The following GALNT9 variants were observed in gnomAD, a reference collection of about 807,000 sequenced individuals.
GALNT9 encodes polypeptide N-acetylgalactosaminyltransferase 9.
Under a neutral mutation model 63.1 loss-of-function variants are expected in GALNT9, and 47 were observed. The ratio of observed to expected loss-of-function variants is 0.75; its 90% CI spans 0.59 to 0.95. The LOEUF (loss-of-function observed/expected upper bound fraction) is 0.95, where lower values mean the gene tolerates loss of function less well. Among genes scored for constraint, GALNT9 ranks in the 40% least tolerant of loss-of-function variants. GALNT9 has a pLI of 0.00. For synonymous variants in GALNT9, 396 were observed against 365.7 expected (o/e 1.08, Z -0.94); for missense variants, 829 against 874.8 (o/e 0.95, Z 0.66).
At chr12:132,318,071 T>A (rs2135589204) in intron 1 of GALNT9, among the ~76,000 whole-genome samples, 1 of 152,138 alleles carries the variant, frequency 6.6e-6, no homozygotes, top group Admixed American at 6.5e-5. Flanking sequence ...TGAAACCCTG[T>A]CTCTATCAAA....
chr12:132,214,737 C>A (rs1210689320), intron 6 of GALNT9, among the ~76,000 whole-genome samples: 2 of 152,044 alleles, frequency 1.3e-5, no homozygotes, highest in Non-Finnish European at 1.5e-5. Flanking sequence ...GGGATCCGTG[C>A]GTAACAAACC....
rs531318566 is a variant in GALNT9, at chr12:132,279,349, A to C, written c.419+6901T>G. On this transcript the variant is annotated intron_variant, in intron 2 of 10. Coordinates refer to ENST00000328957, the MANE Select transcript of GALNT9 (RefSeq NM_001122636.2). This position sits in a 1 kb window ranked among gnomAD's most constrained non-coding sequence, Gnocchi z 4.1. The stretch of plus-strand genomic sequence containing the variant: ...CTTGCATGGTTGCTGGGACGGTCCA[A>C]AGTCCTCAGTGGGGACGGCTGGCTG... 42 of 152,400 alleles carry C rather than the reference A, an allele frequency of 2.8e-4. No homozygotes were observed. Among genetic ancestry groups the C allele is most frequent in the African/African-American group, 8.4e-4 (35 of 41,590 alleles). 9.4% of individuals were successfully genotyped at this position (152,400 alleles called of 1,614,324 possible).
At chr12:132,218,886 G>C (rs1351502099) in intron 6 of GALNT9, among the ~76,000 whole-genome samples, 3 of 152,200 alleles carry the variant, frequency 2.0e-5, no homozygotes, top group Non-Finnish European at 1.5e-5. Context: ...GAGAGAAACA[G>C]CGTCTTCCTT....
chr12:132,260,893 G>A (rs1879351667), intron 4 of GALNT9, 55 bp downstream of exon 4: 3 of 1,464,678 alleles, frequency 2.0e-6, no homozygotes, highest in African/African-American at 2.9e-5. Context: ...CTTAGGAGGG[G>A]GATGGTGGAG....
At chr12:132,200,972 G>T (rs1303929422) in intron 8 of GALNT9, 152 bp downstream of exon 8, 32 of 703,598 alleles carry the variant, frequency 4.5e-5, no homozygotes, top group Middle Eastern at 4.0e-4. Context: ...AGTCAGGGCG[G>T]AAGGCCTGTC....
At position 132,246,465 on chromosome 12, in the gene GALNT9, T is replaced by A. The variant is rs1878710020; in HGVS notation, c.1077+1445A>T. On this transcript the variant is annotated intron_variant, in intron 6 of 10. Transcript: ENST00000328957. This position sits in a 1 kb window ranked among gnomAD's most constrained non-coding sequence, Gnocchi z 4.7. ...ACACTATGTTTGTAAGTGCCATTTT[T>A]AAAAGGCTCAAGGGACTTTAAAGGC... Among the ~76,000 whole-genome samples the A allele has an allele frequency of 6.6e-6, 1 of 152,218 alleles. No individual in the cohort carries two copies. Among genetic ancestry groups the A allele is most frequent in the African/African-American group, 2.4e-5 (1 of 41,458 alleles).
At chr12:132,258,691 G>A (rs572474015) in intron 4 of GALNT9, among the ~76,000 whole-genome samples, 32 of 152,354 alleles carry the variant, frequency 2.1e-4, no homozygotes, top group African/African-American at 7.7e-4. Flanking sequence ...GGGGGGCGAG[G>A]AGGGCAGAGA....
Position 132,327,285 on chromosome 12 carries a change from C to G in GALNT9, c.238+1681G>C, listed in dbSNP as rs1289340055. ...GCGGGATGGGAGAAGGCAGTGGGGG[C>G]GGTGGGCGGTGGGGGGAGACACACT... On this transcript the variant is annotated intron_variant, in intron 1 of 10. Coordinates refer to ENST00000328957, the MANE Select transcript of GALNT9 (RefSeq NM_001122636.2). The surrounding 1 kb of genome is among the most constrained non-coding windows in gnomAD (Gnocchi z 4.3). Among the ~76,000 whole-genome samples, 3 of 72,408 alleles carry G rather than the reference C, an allele frequency of 4.1e-5. No homozygotes were observed. The South Asian group carries it at 1.4e-3, about 34-fold the overall frequency. The allele number at this position is 72,408 out of a possible 152,430, so 47.5% of individuals were successfully genotyped here.
Position 132,307,726 on chromosome 12 carries a change from C to T in GALNT9, c.238+21240G>A, listed in dbSNP as rs575802211. The stretch of plus-strand genomic sequence containing the variant: ...GCGGGCGCCTGTAGTCTCAGCTACT[C>T]GGGAGGCTGAGGCAGGAGAATCACC... On this transcript the variant is annotated intron_variant, in intron 1 of 10. Transcript: ENST00000328957. Among the ~76,000 whole-genome samples the T allele has an allele frequency of 1.1e-4, 16 of 147,734 alleles. No individual in the cohort carries two copies. In the East Asian group the frequency reaches 1.2e-3, roughly 11 times the overall value.
chr12:132,305,491 ACCGGGGCACAC>A lies in GALNT9; in HGVS notation c.239-19072_239-19062del, dbSNP rs1555244544. The stretch of plus-strand genomic sequence containing the variant: ...CACACCCTCACCCGGGCACACCCTC[ACCGGGGCACAC>A]CCTCACCCGGGCACAGCCTCACCCG... On this transcript the variant is annotated intron_variant, in intron 1 of 10. Coordinates refer to ENST00000328957, the MANE Select transcript of GALNT9 (RefSeq NM_001122636.2). 5.4e-4 allele frequency among the ~76,000 whole-genome samples: 37 copies of A among 68,616 alleles called. 3 individuals carry two copies. The highest frequency in any genetic ancestry group is 3.0e-3 in the African/African-American group (36 of 11,928). The allele number at this position is 68,616 out of a possible 152,430, so 45.0% of individuals were successfully genotyped here.
Position 132,308,051 on chromosome 12 carries a change from A to G in GALNT9, c.238+20915T>C, listed in dbSNP as rs548434209. 2.6e-5 allele frequency among the ~76,000 whole-genome samples: 4 copies of G among 152,136 alleles called. No homozygotes were observed. In the South Asian group the frequency reaches 8.3e-4, roughly 32 times the overall value. On this transcript the variant is annotated intron_variant, in intron 1 of 10. Transcript: ENST00000328957. ...ACCCTGTCTCAAAAAAAAAAAAACA[A>G]AAAAACACACAAACAAGAAAAAGAC...
chr12:132,199,279 G>T lies in GALNT9; in HGVS notation c.1402-10C>A. ...CTTTGCTGTTTCTCACCTGCAAGCA[G>T]AAGCCCCAGGAGAAAGTCCAGAGTC... On this transcript the variant is annotated splice_polypyrimidine_tract_variant and intron_variant, in intron 8 of 10. Transcript: ENST00000328957. 6.3e-7 allele frequency: 1 copy of T among 1,588,104 alleles called. No homozygotes were observed. Among genetic ancestry groups the T allele is most frequent in the Non-Finnish European group, 8.6e-7 (1 of 1,165,866 alleles).
At position 132,203,441 on chromosome 12, in the gene GALNT9, C is replaced by T; in HGVS notation, c.1263+64G>A. ...CTAGGGGGCCTCCCTCCGGCCCAGC[C>T]CTGCCGTGGCATTGACCCCGACCCT... On this transcript the variant is annotated intron_variant, in intron 7 of 10. Coordinates refer to ENST00000328957, the MANE Select transcript of GALNT9 (RefSeq NM_001122636.2). 4.5e-6 allele frequency: 7 copies of T among 1,541,596 alleles called. No homozygotes were observed. The South Asian group carries it at 8.1e-5, about 18-fold the overall frequency.
chr12:132,222,661 G>T (rs1430524506), intron 6 of GALNT9, among the ~76,000 whole-genome samples: 4 of 151,900 alleles, frequency 2.6e-5, no homozygotes, highest in Non-Finnish European at 5.9e-5. Flanking sequence ...ACACAGAGAC[G>T]CCGCAGAGGC....
chr12:132,291,749 C>T (rs1880867807), intron 1 of GALNT9, among the ~76,000 whole-genome samples: 2 of 152,224 alleles, frequency 1.3e-5, no homozygotes, highest in Admixed American at 1.3e-4. Flanking sequence ...GTGCTGGCAC[C>T]CCTGGAGACC....
intron 6 of GALNT9, among the ~76,000 whole-genome samples, chr12:132,208,765 T>C (rs1876831753): frequency 6.6e-6 from 1 of 152,210 alleles, no homozygotes; most frequent in South Asian, 2.1e-4. Context: ...AATGGTTGTC[T>C]TAGGCCGCAA....
chr12:132,271,445 A>G (rs1879863008), intron 2 of GALNT9, among the ~76,000 whole-genome samples: 1 of 152,162 alleles, frequency 6.6e-6, no homozygotes, highest in South Asian at 2.1e-4. Flanking sequence ...TTATCACACC[A>G]TAAAATTAAG....
In GALNT9 at chr12:132,327,802, T is replaced by G. The variant is rs1478450282; in HGVS notation, c.238+1164A>C. ...CTGGGACAACCCCTCCTCATGGGGA[T>G]TCACCTCCCCCTCCCACCCCACGGC... On this transcript the variant is annotated intron_variant, in intron 1 of 10. Coordinates refer to ENST00000328957, the MANE Select transcript of GALNT9 (RefSeq NM_001122636.2). This position sits in a 1 kb window ranked among gnomAD's most constrained non-coding sequence, Gnocchi z 4.3. Among the ~76,000 whole-genome samples, 1 of 151,930 alleles carries G rather than the reference T, an allele frequency of 6.6e-6. No homozygotes were observed. Among genetic ancestry groups the G allele is most frequent in the East Asian group, 2.0e-4 (1 of 5,126 alleles).
At chr12:132,248,247 C>T (rs782142059) in intron 5 of GALNT9, among the ~76,000 whole-genome samples, 4 of 152,216 alleles carry the variant, frequency 2.6e-5, no homozygotes, top group African/African-American at 9.7e-5. Flanking sequence ...GCCCAGACAG[C>T]GTCCAAATGC....
Sources: gnomAD v4.1 joint callset for allele counts (sites outside exome capture counted in the v4.1 genomes callset) on GRCh38, gnomAD v4.1.1 for gene constraint, Gnocchi (gnomAD v3.1) non-coding constraint, MANE v1.5 for transcripts, NCBI Gene and HGNC (gene_info 2026-07-23, HGNC 2026-07-21) for gene names.